TJP2: variants seen among roughly 807,000 people sequenced by gnomAD.
TJP2 encodes Friedreich ataxia region gene X104 (tight junction protein ZO-2).
TJP2 carries 91 observed loss-of-function variants against 133.1 expected under a neutral mutation model. The ratio of observed to expected loss-of-function variants is 0.68; its 90% CI spans 0.58 to 0.81. TJP2 has a LOEUF of 0.81. TJP2 is among the 40% of genes least tolerant of loss of function. The pLI is 0.00. For missense variants in TJP2, 1,541 were observed against 1,565.6 expected, an observed-to-expected ratio of 0.98 and a Z score of 0.26; for synonymous variants, 592 against 583.4, an observed-to-expected ratio of 1.01 and a Z score of -0.21.
intron 1 of TJP2, among the ~76,000 whole-genome samples, chr9:69,192,879 T>G (rs968330503): frequency 6.5e-4 from 98 of 151,614 alleles, no homozygotes; most frequent in African/African-American, 2.2e-3. Flanking sequence ...TCACTGCAGG[T>G]GTGATCAGTG....
At chr9:69,154,569 C>T (rs184038844) in intron 2 of TJP2, among the ~76,000 whole-genome samples, 6 of 151,372 alleles carry the variant, frequency 4.0e-5, no homozygotes, top group Non-Finnish European at 4.4e-5. Context: ...GCGGGAGGAT[C>T]GCTTAAGCCC....
intron 2 of TJP2, among the ~76,000 whole-genome samples, chr9:69,162,595 G>GA (rs1170389524): frequency 6.6e-6 from 1 of 152,170 alleles, no homozygotes; most frequent in Non-Finnish European, 1.5e-5. Flanking sequence ...CATACAAATG[G>GA]AATATTATGC....
intron 1 of TJP2, chr9:69,205,457 A>C (rs1279004079): frequency 1.1e-6 from 1 of 944,176 alleles, no homozygotes; most frequent in East Asian, 2.7e-5. Flanking sequence ...ATAGCCTCTT[A>C]CTGGATCTGT....
rs752548113 is a variant in TJP2, at chr9:69,246,744, C to T, written c.2621C>T (p.Thr874Ile). The change falls in exon 18 of 23, where the codon ACT becomes ATT. Residue 874 changes from threonine to isoleucine, a missense_variant. Physicochemically the swap from Thr to Ile is moderately conservative, Grantham distance 89. Coordinates refer to ENST00000377245, the MANE Select transcript of TJP2 (RefSeq NM_004817.4). ...NDSWFGSLKDTIQHQQGEAVW... is the reference protein window; with the variant it reads ...NDSWFGSLKDIIQHQQGEAVW... ...AGCTGGTTTGGCAGCTTAAAGGACACTATTCAGCATCAGCAAGGAGAAGCG... is the reference window on the plus strand; with the variant it reads ...AGCTGGTTTGGCAGCTTAAAGGACATTATTCAGCATCAGCAAGGAGAAGCG... The T allele has an allele frequency of 1.2e-6, 2 of 1,614,010 alleles. No individual in the cohort carries two copies. Among genetic ancestry groups the T allele is most frequent in the East Asian group, 2.2e-5 (1 of 44,886 alleles).
intron 4 of TJP2, among the ~76,000 whole-genome samples, chr9:69,219,485 A>G (rs1325803685): frequency 6.6e-6 from 1 of 152,196 alleles, no homozygotes; most frequent in Non-Finnish European, 1.5e-5. Flanking sequence ...CTTACTTCAC[A>G]TGCATTTCCT....
At chr9:69,199,005 A>G (rs1212408974) in intron 1 of TJP2, among the ~76,000 whole-genome samples, 2 of 152,170 alleles carry the variant, frequency 1.3e-5, no homozygotes, top group African/African-American at 2.4e-5. Flanking sequence ...GGGAAAAAGC[A>G]TTTCCTGTTT....
chr9:69,216,573 CT>C, intron 3 of TJP2, 110 bp downstream of exon 3: 1 of 1,201,178 alleles, frequency 8.3e-7, no homozygotes, highest in Non-Finnish European at 1.2e-6. Context: ...AAATAACAAA[CT>C]TTTATATAAT....
At chr9:69,236,640 A>T (rs1830212466) in intron 13 of TJP2, among the ~76,000 whole-genome samples, 1 of 152,156 alleles carries the variant, frequency 6.6e-6, no homozygotes, top group African/African-American at 2.4e-5. Flanking sequence ...ACAGTGCAGG[A>T]ACCTAGAAAA....
At chr9:69,162,083 TTA>T (rs1429185886) in intron 2 of TJP2, among the ~76,000 whole-genome samples, 7 of 148,340 alleles carry the variant, frequency 4.7e-5, no homozygotes, top group Non-Finnish European at 1.5e-5. Flanking sequence ...ATTATACAAA[TTA>T]TATTTTTATA....
intron 1 of TJP2, among the ~76,000 whole-genome samples, chr9:69,125,895 G>C (rs76504808): frequency 0.036 from 2,793 of 76,998 alleles, 1,047 homozygotes; most frequent in African/African-American, 0.11. Context: ...TCAAGGTACT[G>C]GACTAGTATT....
chr9:69,239,275 C>T (rs1236085315), intron 16 of TJP2, among the ~76,000 whole-genome samples: 1 of 151,692 alleles, frequency 6.6e-6, no homozygotes, highest in Non-Finnish European at 1.5e-5. Context: ...TGCACCATTG[C>T]ACTCCAGCCT....
At chr9:69,184,565 G>A (rs1825721767) in intron 1 of TJP2, among the ~76,000 whole-genome samples, 1 of 152,194 alleles carries the variant, frequency 6.6e-6, no homozygotes, top group African/African-American at 2.4e-5. Context: ...GTAGAACCCT[G>A]TTGGCAAGAG....
chr9:69,143,506 C>G (rs557190912), intron 1 of TJP2, among the ~76,000 whole-genome samples: 44 of 152,290 alleles, frequency 2.9e-4, no homozygotes, highest in African/African-American at 1.0e-3. Flanking sequence ...TCAGAGGTGG[C>G]AGCTGTAGCC....
Position 69,236,149 on chromosome 9 carries a change from A to G in TJP2, c.1902A>G (p.Val634=), listed in dbSNP as rs779827955. 12 of 1,614,220 alleles carry G rather than the reference A, an allele frequency of 7.4e-6. No individual in the cohort carries two copies. In the South Asian group the frequency reaches 1.2e-4, roughly 16 times the overall value. ...AFTRGEVFRV[V]DTLYDGKLGN... ...CCAGAGGGGAGGTCTTCCGAGTGGT[A>G]GACACACTGTATGACGGCAAGCTGG... Residue 634 remains valine (V), a synonymous_variant, in exon 13 of 23, where the codon GTA becomes GTG. Coordinates refer to ENST00000377245, the MANE Select transcript of TJP2 (RefSeq NM_004817.4).
upstream of TJP2, among the ~76,000 whole-genome samples, chr9:69,171,246 G>T (rs539596382): frequency 4.1e-4 from 63 of 152,152 alleles, no homozygotes; most frequent in Non-Finnish European, 7.6e-4. Context: ...CCAGCCTGCT[G>T]ATCTACTTCC....
intron 17 of TJP2, 78 bp downstream of exon 17, chr9:69,240,225 A>T: frequency 1.5e-6 from 2 of 1,335,994 alleles, no homozygotes; most frequent in Non-Finnish European, 2.1e-6. Context: ...ATAATTAATT[A>T]ATCTGAATGG....
chr9:69,122,567 A>T (rs529676535), intron 1 of TJP2, among the ~76,000 whole-genome samples: 2 of 152,212 alleles, frequency 1.3e-5, no homozygotes, highest in Non-Finnish European at 2.9e-5. Flanking sequence ...CCAGGGCTGC[A>T]TTGCAAGGTT....
At chr9:69,218,501 G>A (rs558934092) in intron 4 of TJP2, 142 bp downstream of exon 4, 2 of 716,266 alleles carry the variant, frequency 2.8e-6, no homozygotes, top group Non-Finnish European at 5.1e-6. Flanking sequence ...ACTTTTGGAG[G>A]GGTGTGAAGA....
chr9:69,176,110 A>C (rs1825065593), intron 1 of TJP2, among the ~76,000 whole-genome samples: 1 of 152,224 alleles, frequency 6.6e-6, no homozygotes, highest in South Asian at 2.1e-4. Context: ...CACACTCTGC[A>C]ATACAGAAAT....
Sources: gnomAD v4.1 joint callset for allele counts (sites outside exome capture counted in the v4.1 genomes callset) on GRCh38, gnomAD v4.1.1 for gene constraint, MANE v1.5 for transcripts, NCBI Gene and HGNC (gene_info 2026-07-23, HGNC 2026-07-21) for gene names.